DAB1: variants seen among roughly 807,000 people sequenced by gnomAD.
The protein encoded by DAB1 is DAB adaptor protein 1.
In DAB1, 15 loss-of-function variants were observed where a neutral mutation model predicts 64.6. The observed-to-expected ratio is 0.23, with a 90% CI of 0.16 to 0.36. The LOEUF is 0.36. Ranked by LOEUF, DAB1 falls within the 10% of genes least tolerant of loss-of-function variation. The pLI is 1.00. For missense variants in DAB1, 596 were observed against 706.7 expected (o/e 0.84, Z 1.78); for synonymous variants, 235 against 251.9 (o/e 0.93, Z 0.64).
At chr1:58,367,882 T>C (rs901464139) in intron 3 of DAB1, among the ~76,000 whole-genome samples, 1 of 152,190 alleles carries the variant, frequency 6.6e-6, no homozygotes, top group East Asian at 1.9e-4. Context: ...AAATGGCTCT[T>C]TAAGGCACAA....
intron 4 of DAB1, among the ~76,000 whole-genome samples, chr1:58,220,325 T>C (rs1659090172): frequency 6.6e-6 from 1 of 152,174 alleles, no homozygotes; most frequent in South Asian, 2.1e-4. Flanking sequence ...ATTTAATTTG[T>C]GGGATCCAAG....
At chr1:57,933,957 G>A (rs974900943) in intron 5 of DAB1, among the ~76,000 whole-genome samples, 2 of 151,468 alleles carry the variant, frequency 1.3e-5, no homozygotes, top group Middle Eastern at 3.2e-3. Flanking sequence ...GTGCAGTGGC[G>A]CGATCTTGGC....
At chr1:58,076,187 A>G (rs1029446540) in intron 5 of DAB1, among the ~76,000 whole-genome samples, 1 of 152,214 alleles carries the variant, frequency 6.6e-6, no homozygotes. Context: ...GTGATGGTTC[A>G]TGTCTATTTA....
chr1:57,175,507 T>A (rs556385253), intron 2 of DAB1, among the ~76,000 whole-genome samples: 5 of 152,254 alleles, frequency 3.3e-5, no homozygotes, highest in Middle Eastern at 3.4e-3. Context: ...TCATGAGTTT[T>A]CTAATTCAAC....
chr1:58,361,310 A>G (rs1228810689), intron 3 of DAB1, among the ~76,000 whole-genome samples: 1 of 152,134 alleles, frequency 6.6e-6, no homozygotes, highest in Non-Finnish European at 1.5e-5. Flanking sequence ...ACCCCAACAA[A>G]CGAGGTCTGG....
intron 9 of DAB1, among the ~76,000 whole-genome samples, chr1:57,051,814 T>C (rs1317291661): frequency 6.6e-6 from 1 of 152,148 alleles, no homozygotes; most frequent in Non-Finnish European, 1.5e-5. Flanking sequence ...TGTTCACAGC[T>C]AGCTGGGGAG....
At chr1:57,212,897 G>C (rs937520982) in intron 2 of DAB1, among the ~76,000 whole-genome samples, 4 of 152,090 alleles carry the variant, frequency 2.6e-5, no homozygotes, top group Admixed American at 2.6e-4. Context: ...GCCATCCTGC[G>C]CTGAGCTGTA....
intron 5 of DAB1, among the ~76,000 whole-genome samples, chr1:58,057,717 G>A (rs1016873349): frequency 6.6e-6 from 1 of 152,206 alleles, no homozygotes; most frequent in African/African-American, 2.4e-5. Flanking sequence ...AACTGCAAGA[G>A]AATAAATTTC....
In DAB1 at chr1:57,586,307, C is replaced by A. The variant is rs528181095; in HGVS notation, n.625+63285G>T. 2.6e-5 allele frequency among the ~76,000 whole-genome samples: 4 copies of A among 152,298 alleles called. No homozygotes were observed. The South Asian group carries it at 6.2e-4, about 24-fold the overall frequency. ...AAAATTCAGCTCACCTCTCCCTCTC[C>A]TGAAGCCCAAGGCTGGGTGAATTGA... On this transcript the variant is annotated intron_variant and non_coding_transcript_variant, in intron 7 of 20. Coordinates refer to the DAB1 transcript ENST00000485760.
Position 57,379,169 on chromosome 1 carries a change from C to G in DAB1, c.-137+44761G>C, listed in dbSNP as rs556445637. Among the ~76,000 whole-genome samples the G allele has an allele frequency of 3.8e-4, 57 of 150,378 alleles. No homozygotes were observed. The South Asian group carries it at 0.012, about 33-fold the overall frequency. On this transcript the variant is annotated intron_variant, in intron 1 of 14. Coordinates refer to ENST00000371236, the MANE Select transcript of DAB1 (RefSeq NM_001365792.1). Reference sequence around the variant, plus strand: ...AAGGAGGGGCTACCAGCTAAGAAACCCCCTCCCCCACCATCTTTTCCTATT... The same window carrying G: ...AAGGAGGGGCTACCAGCTAAGAAACGCCCTCCCCCACCATCTTTTCCTATT...
intron 6 of DAB1, among the ~76,000 whole-genome samples, chr1:57,818,777 T>C (rs1310376048): frequency 1.3e-5 from 2 of 149,946 alleles, no homozygotes; most frequent in Non-Finnish European, 3.0e-5. Context: ...TATATAATAT[T>C]TATTTGTATA....
At chr1:58,235,919 C>A (rs1233907764) in intron 4 of DAB1, among the ~76,000 whole-genome samples, 1 of 152,166 alleles carries the variant, frequency 6.6e-6, no homozygotes, top group East Asian at 1.9e-4. Flanking sequence ...TCAGGTCAGG[C>A]CTGGGGCCAA....
intron 5 of DAB1, among the ~76,000 whole-genome samples, chr1:57,919,513 T>C (rs1275068804): frequency 6.6e-6 from 1 of 152,216 alleles, no homozygotes; most frequent in East Asian, 1.9e-4. Flanking sequence ...GAAGTAAAGC[T>C]TGAGCTAAGC....
At chr1:57,822,091 C>T (rs1652147227), downstream of DAB1, among the ~76,000 whole-genome samples, 2 of 152,200 alleles carry the variant, frequency 1.3e-5, no homozygotes, top group East Asian at 1.9e-4. Flanking sequence ...AGGTGGAGTA[C>T]GTATCTGACC....
At chr1:58,196,885 A>G (rs929854374) in intron 4 of DAB1, among the ~76,000 whole-genome samples, 2 of 152,200 alleles carry the variant, frequency 1.3e-5, no homozygotes, top group African/African-American at 2.4e-5. Context: ...ATATCATCAG[A>G]TATGGCAAAG....
chr1:57,502,113 G>A (rs1171214266), intron 7 of DAB1, among the ~76,000 whole-genome samples: 4 of 152,130 alleles, frequency 2.6e-5, no homozygotes, highest in South Asian at 4.2e-4. Context: ...GAGGTCAGGA[G>A]ATCGAGACCA....
intron 1 of DAB1, among the ~76,000 whole-genome samples, chr1:57,339,117 GA>G (rs1485823944): frequency 1.3e-5 from 2 of 150,166 alleles, no homozygotes; most frequent in Admixed American, 6.6e-5. Context: ...ACTGACTTAG[GA>G]AAAAAATACG....
chr1:57,359,750 A>C (rs1005698611), intron 1 of DAB1, among the ~76,000 whole-genome samples: 2 of 152,108 alleles, frequency 1.3e-5, no homozygotes, highest in Admixed American at 6.6e-5. Context: ...AATACTATTC[A>C]GCCATAAAAA....
rs59449665 is a variant in DAB1 at position 58,031,989 on chromosome 1, CGTGTGTGTGTGTGTGTGTGTGTGTGTGT to C, written n.387+118494_387+118521del. On this transcript the variant is annotated intron_variant and non_coding_transcript_variant, in intron 5 of 20. Coordinates refer to the DAB1 transcript ENST00000485760. ...TCACAGCTGCAAGTACTGATAGAAACGTGTGTGTGTGTGTGTGTGTGTGTGTGTGTGTGTGTGTGTGTGTGTGTGTTTA... is the reference window on the plus strand; with the variant it reads ...TCACAGCTGCAAGTACTGATAGAAACGTGTGTGTGTGTGTGTGTGTGTTTA... Among the ~76,000 whole-genome samples the C allele has an allele frequency of 6.3e-5, 9 of 141,860 alleles. No individual in the cohort carries two copies. The South Asian group carries it at 1.2e-3, about 19-fold the overall frequency. 93.1% of individuals were successfully genotyped at this position (141,860 alleles called of 152,430 possible). A position where few individuals can be genotyped will look rare whatever the true frequency, so the allele number is the denominator to read the frequency against.
Sources: gnomAD v4.1 joint callset for allele counts (sites outside exome capture counted in the v4.1 genomes callset) on GRCh38, gnomAD v4.1.1 for gene constraint, MANE v1.5 for transcripts, NCBI Gene and HGNC (gene_info 2026-07-23, HGNC 2026-07-21) for gene names.